The following SEC16A variants were observed in gnomAD, a reference collection of about 807,000 sequenced individuals.
SEC16A encodes protein transport protein Sec16A.
A neutral mutation model predicts 221.9 loss-of-function variants in SEC16A; 110 were observed. The observed-to-expected ratio is 0.50, with a 90% CI of 0.42 to 0.58. The LOEUF is 0.58. SEC16A is among the 20% of genes least tolerant of loss of function. SEC16A has a pLI of 0.00. For synonymous variants in SEC16A, 1,393 were observed against 1,257.7 expected (o/e 1.11, Z -2.28); for missense variants, 3,165 against 3,097.8 (o/e 1.02, Z -0.52).
In SEC16A at chr9:136,477,541, G is replaced by T. The variant is rs1172764877; in HGVS notation, c.75C>A (p.Phe25Leu). Residue 25 changes from phenylalanine to leucine, a missense_variant, in exon 3 of 32, where the codon TTC (phenylalanine) becomes TTA (leucine). Transcript: ENST00000684901. ...PPPAGNPRSV[F>L]WASSPYRRRA... The stretch of plus-strand genomic sequence containing the variant: ...GTCTCCTGTAAGGGCTGCTAGCCCA[G>T]AACACGCTCCGAGGATTCCCGGCTG... The T allele has an allele frequency of 6.2e-7, 1 of 1,613,554 alleles. No individual in the cohort carries two copies.
rs1841798151 is a variant in SEC16A, at chr9:136,477,478, G to A, written c.138C>T (p.Cys46=). 6.2e-7 allele frequency: 1 copy of A among 1,614,006 alleles called. No individual in the cohort carries two copies. Among genetic ancestry groups the A allele is most frequent in the East Asian group, 2.2e-5 (1 of 44,884 alleles). ...NNNAAVAPTT[C]PLQPVTDPFA... Reference sequence around the variant, plus strand: ...ATGGATCCGTGACCGGCTGCAACGGGCAAGTTGTCGGAGCCACTGCTGCAT... The same window carrying A: ...ATGGATCCGTGACCGGCTGCAACGGACAAGTTGTCGGAGCCACTGCTGCAT... The change falls in exon 3 of 32, where the codon TGC becomes TGT. Residue 46 remains cysteine, a synonymous_variant. Transcript: ENST00000684901.
chr9:136,474,627 TA>T lies in SEC16A; in HGVS notation c.2988del (p.Phe996LeufsTer3). On this transcript the variant is annotated frameshift_variant, in exon 3 of 32. Coordinates refer to ENST00000684901, the MANE Select transcript of SEC16A (RefSeq NM_014866.2). LOFTEE classifies it high-confidence loss of function. ...HQEDTYGALD[F>X]TLSRTLENPV... ...GGATTTTCCAAAGTCCTGCTTAAGG[TA>T]AAGTCTAGGGCTCCGTAAGTGTCTT... The T allele has an allele frequency of 6.2e-7, 1 of 1,613,158 alleles. No individual in the cohort carries two copies. Among genetic ancestry groups the T allele is most frequent in the Non-Finnish European group, 8.5e-7 (1 of 1,179,774 alleles).
intron 22 of SEC16A, 46 bp from the exon 23 acceptor site, chr9:136,451,454 G>A: frequency 1.3e-6 from 2 of 1,536,930 alleles, no homozygotes; most frequent in Non-Finnish European, 1.7e-6. Flanking sequence ...GCTCCTCACA[G>A]GAACCGAAAG....
chr9:136,443,954 A>G (rs1036125082), intron 30 of SEC16A, 54 bp from the exon 31 acceptor site: 18 of 1,318,068 alleles, frequency 1.4e-5, no homozygotes, highest in Non-Finnish European at 1.9e-5. Flanking sequence ...AGCAGCTGTC[A>G]CTTCAAGTGC....
At position 136,453,530 on chromosome 9, in the gene SEC16A, C is replaced by T; in HGVS notation, c.6077-20G>A. 1 of 1,595,304 alleles carries T rather than the reference C, an allele frequency of 6.3e-7. No individual in the cohort carries two copies. The highest frequency in any genetic ancestry group is 8.6e-7 in the Non-Finnish European group (1 of 1,163,848). On this transcript the variant is annotated intron_variant, in intron 21 of 31. Coordinates refer to ENST00000684901, the MANE Select transcript of SEC16A (RefSeq NM_014866.2). ...CTATCCCTGTCAACGGGAAAGAGAG[C>T]AACTATGATCTCAGTCACGAGAAGG... is the stretch of plus-strand genomic sequence containing the variant.
At chr9:136,454,993 G>T (rs1039656924) in intron 20 of SEC16A, among the ~76,000 whole-genome samples, 1 of 152,128 alleles carries the variant, frequency 6.6e-6, no homozygotes, top group Non-Finnish European at 1.5e-5. Flanking sequence ...AGCTTGGAGG[G>T]CCTGTGGCCA....
chr9:136,458,736 A>T (rs1336841393), intron 17 of SEC16A, among the ~76,000 whole-genome samples: 1 of 152,066 alleles, frequency 6.6e-6, no homozygotes, highest in Non-Finnish European at 1.5e-5. Context: ...GTTTAGGATC[A>T]GTCTGGGCAA....
intron 12 of SEC16A, 90 bp downstream of exon 12, chr9:136,462,797 G>A (rs1278341632): frequency 8.2e-6 from 12 of 1,462,012 alleles, no homozygotes; most frequent in Middle Eastern, 1.8e-4. Flanking sequence ...CCAAGAGGGG[G>A]CCACGTCCCT....
chr9:136,462,421 T>C (rs1839610039), intron 12 of SEC16A, among the ~76,000 whole-genome samples: 1 of 152,194 alleles, frequency 6.6e-6, no homozygotes, highest in Non-Finnish European at 1.5e-5. Flanking sequence ...CCCCAGTCAC[T>C]GGACGCTACA....
intron 22 of SEC16A, 128 bp downstream of exon 22, chr9:136,453,300 T>C: frequency 1.5e-6 from 1 of 664,680 alleles, no homozygotes; most frequent in Middle Eastern, 2.5e-4. Context: ...ACTTTCACTT[T>C]AAGAAACAAT....
chr9:136,483,705 C>T, upstream of SEC16A: 3 of 985,518 alleles, frequency 3.0e-6, no homozygotes, highest in Non-Finnish European at 3.6e-6. Context: ...GCACCGAGAA[C>T]GGCTACTCCG....
chr9:136,480,716 C>A (rs1340113307), intron 1 of SEC16A, among the ~76,000 whole-genome samples: 3 of 152,012 alleles, frequency 2.0e-5, no homozygotes, highest in Non-Finnish European at 4.4e-5. Flanking sequence ...ACGGTGAAAC[C>A]CCGTCTCTAC....
At position 136,477,417 on chromosome 9, in the gene SEC16A, G is replaced by C. The variant is rs369467716; in HGVS notation, c.199C>G (p.Leu67Val). The change falls in exon 3 of 32, where the codon CTG becomes GTG. Residue 67 changes from leucine to valine, a missense_variant. Leu to Val is a conservative substitution (Grantham distance 32). Around this residue, in one of 3 missense-constraint regions of SEC16A, gnomAD observed 2,030 missense variants for 1,923.1 expected, o/e 1.06. Coordinates refer to ENST00000684901, the MANE Select transcript of SEC16A (RefSeq NM_014866.2). ...GGACTGCTTTTGGACGAACTGCCCA[G>C]TGGTGTACTTTGGAGCGCCTGTCTA... ...FSRQALQSTP[L>V]GSSSKSSPPV... The C allele has an allele frequency of 5.7e-5, 92 of 1,613,932 alleles. No homozygotes were observed. The highest frequency in any genetic ancestry group is 4.9e-4 in the Middle Eastern group (3 of 6,084).
Position 136,441,810 on chromosome 9 carries a change from G to C in SEC16A, c.7019C>G (p.Ser2340Cys). Residue 2340 changes from serine (S) to cysteine (C), a missense_variant, in exon 32 of 32, where the codon TCC (serine) becomes TGC (cysteine). This residue lies in a region of SEC16A where 1,088 missense variants were observed against 1,089.6 expected (regional missense o/e 1.00). Transcript: ENST00000684901. ...AATCCTCCCTAGCCTTGAGCTCCCG[G>C]AGGTGGCGCAGGCCTGGAATGAAAT... Reference protein sequence around the residue: ...PAQLAQACATSGSSRLGRIGQ... With the variant: ...PAQLAQACATCGSSRLGRIGQ... 6.2e-7 allele frequency: 1 copy of C among 1,613,136 alleles called. No individual in the cohort carries two copies.
At chr9:136,449,183 G>A (rs1837445579) in intron 23 of SEC16A, among the ~76,000 whole-genome samples, 1 of 152,150 alleles carries the variant, frequency 6.6e-6, no homozygotes, top group Non-Finnish European at 1.5e-5. Context: ...AGCCCTCTGT[G>A]TTTCCCATGT....
chr9:136,476,457 G>C lies in SEC16A; in HGVS notation c.1159C>G (p.Leu387Val). The change falls in exon 3 of 32, where the codon CTC (leucine) becomes GTC (valine). Residue 387 changes from leucine (L) to valine (V), a missense_variant. Around this residue, in one of 3 missense-constraint regions of SEC16A, gnomAD observed 2,030 missense variants for 1,923.1 expected, o/e 1.06. Coordinates refer to ENST00000684901, the MANE Select transcript of SEC16A (RefSeq NM_014866.2). Reference sequence around the variant, plus strand: ...GATAAGCCTGCTTTTTCAGATGAGAGATTCTCCTCATTTTCTGTCTCTCCC... The same window carrying C: ...GATAAGCCTGCTTTTTCAGATGAGACATTCTCCTCATTTTCTGTCTCTCCC... ...QGGETENEEN[L>V]SSEKAGLSGQ... 6.2e-7 allele frequency: 1 copy of C among 1,613,100 alleles called. No homozygotes were observed. Among genetic ancestry groups the C allele is most frequent in the Non-Finnish European group, 8.5e-7 (1 of 1,179,796 alleles).
intron 22 of SEC16A, among the ~76,000 whole-genome samples, chr9:136,452,629 T>C (rs1172459947): frequency 6.7e-6 from 1 of 148,486 alleles, no homozygotes; most frequent in Non-Finnish European, 1.5e-5. Flanking sequence ...TAGCCAGGCA[T>C]GGTGGCACAT....
rs1296205663 is a variant in SEC16A at position 136,463,244 on chromosome 9, C to T, written c.4648-112G>A. On this transcript the variant is annotated intron_variant, in intron 11 of 31. Transcript: ENST00000684901. ...GGACACAGCCAGACCCACAACTACC[C>T]GAAAGGCTGGCAAGGCTGGGCTGAA... is the stretch of plus-strand genomic sequence containing the variant. The T allele has an allele frequency of 6.9e-6, 10 of 1,459,718 alleles. No homozygotes were observed. Among genetic ancestry groups the T allele is most frequent in the South Asian group, 1.3e-5 (1 of 78,608 alleles). The allele number at this position is 1,459,718 out of a possible 1,614,324, so 90.4% of individuals were successfully genotyped here. A position where few individuals can be genotyped will look rare whatever the true frequency, so the allele number is the denominator to read the frequency against.
Position 136,457,462 on chromosome 9 carries a change from C to T in SEC16A, c.5532G>A (p.Leu1844=), listed in dbSNP as rs756447431. ...LTQPHLYSPV[L]ISQLVQMASQ... ...GCAGCACCTGCACAAGCTGGCTGAT[C>T]AACACCGGGGAATACAGGTGCGGCT... Residue 1844 remains leucine, a synonymous_variant, in exon 18 of 32, where the codon TTG becomes TTA. Transcript: ENST00000684901. The T allele has an allele frequency of 1.9e-6, 3 of 1,605,526 alleles. No homozygotes were observed. The highest frequency in any genetic ancestry group is 4.5e-5 in the East Asian group (2 of 44,466).
Sources: allele counts gnomAD v4.1 joint callset (sites outside exome capture counted in the v4.1 genomes callset), GRCh38; gene constraint gnomAD v4.1.1; regional missense constraint gnomAD v4.1.1; transcripts MANE v1.5; gene names NCBI Gene and HGNC (gene_info 2026-07-23, HGNC 2026-07-21).